Variants in ITSN2 observed in about 807,000 individuals in gnomAD.
The protein encoded by ITSN2 is intersectin 2, also known as intersectin-2.
ITSN2 carries 156 observed loss-of-function variants against 243.7 expected under a neutral mutation model. That is an observed-to-expected ratio of 0.64 (90% confidence interval 0.56 to 0.73). The LOEUF (loss-of-function observed/expected upper bound fraction) is 0.73, where lower values mean the gene tolerates loss of function less well. ITSN2 is among the 30% of genes least tolerant of loss of function. The pLI, the probability that ITSN2 is intolerant of heterozygous loss-of-function variation, is 0.00. For synonymous variants in ITSN2, 703 were observed against 699.9 expected, an observed-to-expected ratio of 1.00 and a Z score of -0.07; for missense variants, 1,801 against 1,996.1, an observed-to-expected ratio of 0.90 and a Z score of 1.86.
intron 34 of ITSN2, 83 bp from the exon 35 acceptor site, chr2:24,210,116 G>A: frequency 1.0e-6 from 1 of 961,648 alleles, no homozygotes. Flanking sequence ...CTGGGCCTGA[G>A]GATACTGTGG....
intron 31 of ITSN2, among the ~76,000 whole-genome samples, chr2:24,216,825 C>T (rs1469589878): frequency 1.3e-5 from 2 of 152,156 alleles, no homozygotes; most frequent in African/African-American, 4.8e-5. Flanking sequence ...GTGGCTCACG[C>T]CTGTAATCCC....
chr2:24,250,066 C>G (rs1673896941), intron 25 of ITSN2, among the ~76,000 whole-genome samples: 1 of 152,136 alleles, frequency 6.6e-6, no homozygotes, highest in Non-Finnish European at 1.5e-5. Flanking sequence ...TTTAATGAAA[C>G]AGCAAAAATT....
At chr2:24,236,278 T>C (rs1017953547) in intron 29 of ITSN2, among the ~76,000 whole-genome samples, 3 of 152,070 alleles carry the variant, frequency 2.0e-5, no homozygotes, top group Non-Finnish European at 4.4e-5. Context: ...TCCATACATA[T>C]GAAATGTTCA....
intron 29 of ITSN2, among the ~76,000 whole-genome samples, chr2:24,224,625 C>T (rs1011523002): frequency 1.0e-4 from 15 of 144,384 alleles, no homozygotes; most frequent in South Asian, 4.5e-4. Flanking sequence ...TTCATCATGA[C>T]GGCTCTTCAA....
rs75798405 is a variant in ITSN2 at position 24,312,423 on chromosome 2, G to A, written c.189-48C>T. On this transcript the variant is annotated intron_variant, in intron 4 of 39. Transcript: ENST00000355123. Reference sequence around the variant, plus strand: ...AGATTGCTATGTGGTGTGGTGGTGGGAAAACTAACGTTATTTTGGGGATTG... The same window carrying A: ...AGATTGCTATGTGGTGTGGTGGTGGAAAAACTAACGTTATTTTGGGGATTG... The A allele has an allele frequency of 2.7e-3, 3,676 of 1,368,624 alleles. 70 individuals are homozygous for A. In the African/African-American group the frequency reaches 0.044, roughly 16 times the overall value. The allele number at this position is 1,368,624 out of a possible 1,614,324, so 84.8% of individuals were successfully genotyped here.
chr2:24,337,325 T>TATACACATATATAC (rs1686520480), intron 1 of ITSN2, among the ~76,000 whole-genome samples: 2 of 94,472 alleles, frequency 2.1e-5, no homozygotes, highest in Non-Finnish European at 4.3e-5. Context: ...AATATATATA[T>TATACACATATATAC]ATATATATAT....
At chr2:24,209,605 C>T (rs1669270510) in intron 35 of ITSN2, among the ~76,000 whole-genome samples, 1 of 152,216 alleles carries the variant, frequency 6.6e-6, no homozygotes, top group African/African-American at 2.4e-5. Context: ...AAGCCAGAAT[C>T]TCAGCTGGAA....
At chr2:24,260,430 T>TA (rs1261620322) in intron 22 of ITSN2, among the ~76,000 whole-genome samples, 2 of 146,210 alleles carry the variant, frequency 1.4e-5, no homozygotes, top group Non-Finnish European at 3.0e-5. Flanking sequence ...AAATATACGT[T>TA]AAAAAGTTCT....
At chr2:24,293,600 CT>C (rs772598423) in intron 15 of ITSN2, 87 bp downstream of exon 15, 7 of 543,510 alleles carry the variant, frequency 1.3e-5, no homozygotes, top group African/African-American at 2.0e-5. Context: ...TAACAGAATA[CT>C]TTTTTTAATT....
chr2:24,242,974 C>G (rs968311363), intron 29 of ITSN2, among the ~76,000 whole-genome samples: 2 of 152,074 alleles, frequency 1.3e-5, no homozygotes, highest in African/African-American at 4.8e-5. Context: ...TATAAAATAA[C>G]CTCTTGAACA....
In ITSN2 at chr2:24,210,856, T is replaced by C. The variant is rs780595089; in HGVS notation, c.4181A>G (p.Glu1394Gly). Residue 1394 changes from glutamate (E) to glycine (G), a missense_variant, in exon 34 of 40, where the codon GAG becomes GGG. Around this residue, in one of 5 missense-constraint regions of ITSN2, gnomAD observed 928 missense variants for 1,065.4 expected, o/e 0.87. Transcript: ENST00000355123. Reference sequence around the variant, plus strand: ...CGAGTTTTCCTTCTCCCGAACTCCCTCATTCACTTGAGAGCACAGCTCCTC... The same window carrying C: ...CGAGTTTTCCTTCTCCCGAACTCCCCCATTCACTTGAGAGCACAGCTCCTC... ...RAEELCSQVN[E>G]GVREKENSDR... 2 of 1,614,122 alleles carry C rather than the reference T, an allele frequency of 1.2e-6. No homozygotes were observed. The highest frequency in any genetic ancestry group is 2.2e-5 in the South Asian group (2 of 91,082).
chr2:24,348,801 C>A (rs576760882), intron 1 of ITSN2, among the ~76,000 whole-genome samples: 6 of 152,138 alleles, frequency 3.9e-5, no homozygotes, highest in Non-Finnish European at 7.4e-5. Flanking sequence ...TAGCAGCTAA[C>A]GGGCAGAAAA....
chr2:24,216,224 C>G lies in ITSN2; in HGVS notation c.3815G>C (p.Arg1272Pro). The G allele has an allele frequency of 1.3e-6, 2 of 1,598,114 alleles. No homozygotes were observed. Among genetic ancestry groups the G allele is most frequent in the Non-Finnish European group, 8.5e-7 (1 of 1,172,436 alleles). ...MSNTKLLKAL[R>P]VRKKTGGEKM... ...CTCGCCCCCGGTCTTCTTCCGCACC[C>G]GCAAAGCCCTGCCAAGAACACACTC... Residue 1272 changes from arginine to proline, a missense_variant, in exon 32 of 40, where the codon CGG (arginine) becomes CCG (proline). Arg to Pro is a moderately radical substitution (Grantham distance 103, BLOSUM62 -2). This residue lies in a region of ITSN2 where 928 missense variants were observed against 1,065.4 expected (regional missense o/e 0.87). Coordinates refer to ENST00000355123, the MANE Select transcript of ITSN2 (RefSeq NM_006277.3).
chr2:24,241,700 T>G (rs1486184690), intron 29 of ITSN2: 2 of 152,626 alleles, frequency 1.3e-5, no homozygotes, highest in South Asian at 2.1e-4. Flanking sequence ...AACCACATAT[T>G]GAGCTAATTA....
chr2:24,207,524 G>T (rs1213423324), intron 37 of ITSN2, among the ~76,000 whole-genome samples: 3 of 152,212 alleles, frequency 2.0e-5, no homozygotes, highest in African/African-American at 7.2e-5. Context: ...TGACCCTGAA[G>T]CTGGGGGTCG....
rs1289984856 is a variant in ITSN2, at chr2:24,209,838, G to A, written c.4453C>T (p.Gln1485Ter). The A allele has an allele frequency of 3.7e-6, 6 of 1,613,804 alleles. No individual in the cohort carries two copies. The highest frequency in any genetic ancestry group is 4.2e-6 in the Non-Finnish European group (5 of 1,179,802). The change falls in exon 35 of 40, where the codon CAA becomes TAA. Residue 1485 changes from glutamine to a stop codon, truncating the protein, a stop_gained. Transcript: ENST00000355123. LOFTEE classifies it high-confidence loss of function. ...EKLFSSKSNAQFKMYKTPIFL... is the reference protein window; with the variant it reads ...EKLFSSKSNA ...CTCACCGTTTTATACATTTTGAATT[G>A]AGCATTGGACTTCGAGCTGAAAAGT...
chr2:24,306,538 T>C (rs1682556183), intron 8 of ITSN2, among the ~76,000 whole-genome samples: 1 of 152,218 alleles, frequency 6.6e-6, no homozygotes, highest in South Asian at 2.1e-4. Flanking sequence ...CAGCAGTTCA[T>C]TTGGTTTTAT....
chr2:24,257,812 C>A, intron 23 of ITSN2, 76 bp downstream of exon 23: 1 of 1,126,246 alleles, frequency 8.9e-7, no homozygotes, highest in Non-Finnish European at 1.3e-6. Context: ...TTATTATACA[C>A]TCAATCAGAC....
chr2:24,337,315 A>AATATATATATATAC (rs1278959952), intron 1 of ITSN2, among the ~76,000 whole-genome samples: 4 of 32,016 alleles, frequency 1.2e-4, no homozygotes, highest in Non-Finnish European at 2.3e-4. Flanking sequence ...GTATACACAA[A>AATATATATATATAC]ATATATATAT....
Sources: gnomAD v4.1 joint callset for allele counts (sites outside exome capture counted in the v4.1 genomes callset) on GRCh38, gnomAD v4.1.1 for gene constraint, gnomAD v4.1.1 regional missense constraint, MANE v1.5 for transcripts, NCBI Gene and HGNC (gene_info 2026-07-23, HGNC 2026-07-21) for gene names.